MASP1: variants seen among roughly 807,000 people sequenced by gnomAD.
MASP1 encodes MBL associated serine protease 1, also known as mannan-binding lectin serine protease 1.
A neutral mutation model predicts 77.1 loss-of-function variants in MASP1; 59 were observed. The ratio of observed to expected loss-of-function variants is 0.77; its 90% CI spans 0.62 to 0.95. The LOEUF is 0.95. MASP1 is among the 40% of genes least tolerant of loss of function. The pLI, the probability that MASP1 is intolerant of heterozygous loss-of-function variation, is 0.00. For synonymous variants in MASP1, 362 were observed against 354.5 expected (o/e 1.02, Z -0.24); for missense variants, 885 against 912.9 (o/e 0.97, Z 0.39).
At chr3:187,241,400 C>T in intron 10 of MASP1, 81 bp downstream of exon 10, 1 of 1,102,142 alleles carries the variant, frequency 9.1e-7, no homozygotes. Flanking sequence ...TCCCCCATCA[C>T]CCTGTTAACA....
chr3:187,245,927 GA>G (rs1404770072), intron 8 of MASP1, among the ~76,000 whole-genome samples: 1 of 152,306 alleles, frequency 6.6e-6, no homozygotes, highest in East Asian at 1.9e-4. Context: ...GGGCTTTCTA[GA>G]GAACGATGTG....
chr3:187,251,186 C>T (rs1714553091), intron 7 of MASP1, among the ~76,000 whole-genome samples: 1 of 152,276 alleles, frequency 6.6e-6, no homozygotes, highest in Admixed American at 6.5e-5. Flanking sequence ...TCTCAAACTC[C>T]TGAGATCAGG....
chr3:187,255,537 A>G lies in MASP1; in HGVS notation c.744+1127T>C, dbSNP rs534602627. On this transcript the variant is annotated intron_variant, in intron 5 of 10. Coordinates refer to ENST00000296280, the MANE Select transcript of MASP1 (RefSeq NM_139125.4). ...CACAATGCTGGGATAAGAAATTGGC[A>G]TTGTTTTAAGCTGTTATGTTTGTGG... is the stretch of plus-strand genomic sequence containing the variant. 2.6e-5 allele frequency among the ~76,000 whole-genome samples: 4 copies of G among 152,328 alleles called. No homozygotes were observed. The East Asian group carries it at 7.7e-4, about 29-fold the overall frequency.
chr3:187,265,695 G>A (rs143051861), intron 2 of MASP1, among the ~76,000 whole-genome samples: 1 of 152,196 alleles, frequency 6.6e-6, no homozygotes, highest in East Asian at 1.9e-4. Flanking sequence ...CTTGCTCAAG[G>A]CTGGAGAGAT....
At chr3:187,269,487 C>A (rs1442102497) in intron 2 of MASP1, among the ~76,000 whole-genome samples, 1 of 152,002 alleles carries the variant, frequency 6.6e-6, no homozygotes, top group Non-Finnish European at 1.5e-5. Context: ...CCATTTCTTA[C>A]AGAAAGGAAA....
intron 14 of MASP1, among the ~76,000 whole-genome samples, chr3:187,221,318 G>A (rs540324775): frequency 1.1e-4 from 16 of 152,206 alleles, no homozygotes; most frequent in African/African-American, 2.7e-4. Context: ...CAGGAGGCCC[G>A]TGTTCTAGGG....
At chr3:187,234,035 C>G, downstream of MASP1, 1 of 1,176,936 alleles carries the variant, frequency 8.5e-7, no homozygotes, top group South Asian at 1.6e-5. Context: ...AAAGTTAAAA[C>G]AAATGAACAC....
chr3:187,275,021 G>A (rs1441733583), intron 2 of MASP1, among the ~76,000 whole-genome samples: 1 of 152,206 alleles, frequency 6.6e-6, no homozygotes, highest in African/African-American at 2.4e-5. Context: ...GAGCCAGGGA[G>A]GATTGGCACT....
chr3:187,287,715 C>T (rs1717976532), intron 1 of MASP1, among the ~76,000 whole-genome samples: 1 of 152,134 alleles, frequency 6.6e-6, no homozygotes, highest in Admixed American at 6.5e-5. Flanking sequence ...GAAAGTGGGG[C>T]CTGAGTCTTA....
At chr3:187,219,973 A>T in exon 16 of MASP1, 1 of 1,267,824 alleles carries the variant, frequency 7.9e-7, no homozygotes, top group Non-Finnish European at 1.1e-6. Context: ...AGGAGGGGGG[A>T]TGGGAGGAAG....
At chr3:187,246,779 G>C (rs1714115975) in intron 8 of MASP1, 2 of 968,438 alleles carry the variant, frequency 2.1e-6, no homozygotes, top group South Asian at 8.9e-5. Flanking sequence ...GCCAGATAGG[G>C]GTAGAAGGGA....
intron 10 of MASP1, among the ~76,000 whole-genome samples, chr3:187,239,176 C>G (rs1560241424): frequency 7.0e-6 from 1 of 143,036 alleles, no homozygotes; most frequent in Non-Finnish European, 1.5e-5. Context: ...AACCCCGTCT[C>G]TACTAAAAAT....
chr3:187,235,865 A>C lies in MASP1; in HGVS notation c.2006T>G (p.Val669Gly). ...TCLGDSGGAF[V>G]IFDDLSQRWV... ...GCGCTGGCTCAAGTCATCAAAGATG[A>C]CAAAGGCCCCACCGCTATCTCCAAG... Residue 669 changes from valine to glycine, a missense_variant, in exon 11 of 11, where the codon GTC becomes GGC. Val to Gly is a moderately radical substitution (Grantham distance 109). Transcript: ENST00000296280. The C allele has an allele frequency of 6.2e-7, 1 of 1,614,162 alleles. No individual in the cohort carries two copies. Among genetic ancestry groups the C allele is most frequent in the Non-Finnish European group, 8.5e-7 (1 of 1,180,028 alleles).
intron 2 of MASP1, among the ~76,000 whole-genome samples, chr3:187,265,789 T>C (rs188938094): frequency 1.3e-5 from 2 of 152,300 alleles, no homozygotes; most frequent in Non-Finnish European, 2.9e-5. Flanking sequence ...AGAGAGTACA[T>C]GACTAAAGAC....
intron 6 of MASP1, among the ~76,000 whole-genome samples, chr3:187,252,101 C>T (rs1477876349): frequency 6.6e-6 from 1 of 152,144 alleles, no homozygotes; most frequent in Admixed American, 6.5e-5. Context: ...AGCTAGGAGC[C>T]CCACCAGGTC....
rs1717803546 is a variant in MASP1, at chr3:187,285,863, A to G, written c.199T>C (p.Leu67=). 3 of 1,614,164 alleles carry G rather than the reference A, an allele frequency of 1.9e-6. No homozygotes were observed. The highest frequency in any genetic ancestry group is 1.3e-5 in the African/African-American group (1 of 75,054). The part of the protein sequence containing the change: ...RIKLYFMHFN[L]ESSYLCEYDY... ...TATTCACAAAGGTAGGAGGATTCCAAGTTGAAGTGCATGAAGTAAAGCTTG... is the reference window on the plus strand; with the variant it reads ...TATTCACAAAGGTAGGAGGATTCCAGGTTGAAGTGCATGAAGTAAAGCTTG... The change falls in exon 2 of 11, where the codon TTG becomes CTG. Residue 67 remains leucine, a synonymous_variant. Transcript: ENST00000296280.
rs1712161742 is a variant in MASP1, at chr3:187,223,057, C to A, written c.1809+70G>T. 4.4e-6 allele frequency: 6 copies of A among 1,371,332 alleles called. No individual in the cohort carries two copies. In the South Asian group the frequency reaches 4.7e-5, roughly 11 times the overall value. 84.9% of individuals were successfully genotyped at this position (1,371,332 alleles called of 1,614,324 possible). A position where few individuals can be genotyped will look rare whatever the true frequency, so the allele number is the denominator to read the frequency against. On this transcript the variant is annotated intron_variant, in intron 14 of 15. Coordinates refer to the MASP1 transcript ENST00000337774. ...CCAAGCCTCAAAATCCCTAAGGGAA[C>A]AATACGGAGCAGGAAGGCCCAGTGC...
At chr3:187,230,396 A>G (rs1204822774), downstream of MASP1, among the ~76,000 whole-genome samples, 1 of 152,220 alleles carries the variant, frequency 6.6e-6, no homozygotes, top group Non-Finnish European at 1.5e-5. Context: ...TTGCACCCTA[A>G]TAGTTGAGCC....
intron 4 of MASP1, among the ~76,000 whole-genome samples, chr3:187,257,167 T>C (rs971101403): frequency 2.0e-5 from 3 of 152,026 alleles, no homozygotes; most frequent in Non-Finnish European, 2.9e-5. Context: ...GGTTTTGAGA[T>C]GGAGTGGTCA....
Sources: allele counts gnomAD v4.1 joint callset (sites outside exome capture counted in the v4.1 genomes callset), GRCh38; gene constraint gnomAD v4.1.1; transcripts MANE v1.5; gene names NCBI Gene and HGNC (gene_info 2026-07-23, HGNC 2026-07-21).